CACNA1B: variants seen among roughly 807,000 people sequenced by gnomAD.
CACNA1B encodes the protein calcium voltage-gated channel subunit alpha1 B.
CACNA1B carries 70 observed loss-of-function variants against 247.2 expected under a neutral mutation model. That is an observed-to-expected ratio of 0.28 (90% confidence interval 0.23 to 0.35). The LOEUF is 0.35. Among genes scored for constraint, CACNA1B ranks in the 10% least tolerant of loss-of-function variants. The probability of loss-of-function intolerance (pLI) is 1.00; values close to 1 mark genes in which losing one functional copy is unlikely to be tolerated. For missense variants in CACNA1B, 2,367 were observed against 3,197.4 expected, an observed-to-expected ratio of 0.74 and a Z score of 6.26; for synonymous variants, 1,231 against 1,294.4, an observed-to-expected ratio of 0.95 and a Z score of 1.05.
In CACNA1B at chr9:137,891,049, C is replaced by T. The variant is rs1397642949; in HGVS notation, c.530+8166C>T. On this transcript the variant is annotated intron_variant, in intron 3 of 46. Transcript: ENST00000371372. This position sits in a 1 kb window ranked among gnomAD's most constrained non-coding sequence, Gnocchi z 4.3. ...ACACAGCTGTGTGGTGTCGGGGGCACACGCCCACTCCTGGGACCATGGCTG... is the reference window on the plus strand; with the variant it reads ...ACACAGCTGTGTGGTGTCGGGGGCATACGCCCACTCCTGGGACCATGGCTG... 1 of 152,160 alleles carries T rather than the reference C, an allele frequency of 6.6e-6. No individual in the cohort carries two copies. Among genetic ancestry groups the T allele is most frequent in the African/African-American group, 2.4e-5 (1 of 41,428 alleles). The allele number at this position is 152,160 out of a possible 1,614,324, so 9.4% of individuals were successfully genotyped here. A position where few individuals can be genotyped will look rare whatever the true frequency, so the allele number is the denominator to read the frequency against.
In CACNA1B at chr9:138,058,451, AT is replaced by A; in HGVS notation, c.4309-115del. 1 of 1,032,630 alleles carries A rather than the reference AT, an allele frequency of 9.7e-7. No individual in the cohort carries two copies. The highest frequency in any genetic ancestry group is 1.4e-6 in the Non-Finnish European group (1 of 706,094). The allele number at this position is 1,032,630 out of a possible 1,614,324, so 64.0% of individuals were successfully genotyped here. A position where few individuals can be genotyped will look rare whatever the true frequency, so the allele number is the denominator to read the frequency against. ...CTTGGAGAAGGTCTGGGCTGCTTCA[AT>A]TTGTCTTCTGTTGTCAGGGCTCCCT... On this transcript the variant is annotated intron_variant, in intron 28 of 46. Coordinates refer to ENST00000371372, the MANE Select transcript of CACNA1B (RefSeq NM_000718.4). This position sits in a 1 kb window ranked among gnomAD's most constrained non-coding sequence, Gnocchi z 4.7.
At chr9:137,941,355 A>G (rs1957730559) in intron 6 of CACNA1B, among the ~76,000 whole-genome samples, 1 of 152,154 alleles carries the variant, frequency 6.6e-6, no homozygotes, top group Non-Finnish European at 1.5e-5. Context: ...AAGCCAAAAA[A>G]CTTAGGAATA....
chr9:138,051,742 G>C lies in CACNA1B; in HGVS notation c.3711-350G>C, dbSNP rs1959289212. Among the ~76,000 whole-genome samples the C allele has an allele frequency of 6.6e-6, 1 of 152,096 alleles. No homozygotes were observed. The highest frequency in any genetic ancestry group is 1.5e-5 in the Non-Finnish European group (1 of 68,016). Reference sequence around the variant, plus strand: ...TCTCGCCCTAGAAACGTGCTTGTGGGCTCCCACTTCTGGGTCTGCAGTCCT... The same window carrying C: ...TCTCGCCCTAGAAACGTGCTTGTGGCCTCCCACTTCTGGGTCTGCAGTCCT... On this transcript the variant is annotated intron_variant, in intron 24 of 46. Coordinates refer to ENST00000371372, the MANE Select transcript of CACNA1B (RefSeq NM_000718.4). This position sits in a 1 kb window ranked among gnomAD's most constrained non-coding sequence, Gnocchi z 4.3.
At chr9:137,909,877 T>A (rs887308951) in intron 3 of CACNA1B, among the ~76,000 whole-genome samples, 13 of 152,170 alleles carry the variant, frequency 8.5e-5, no homozygotes, top group African/African-American at 2.9e-4. Flanking sequence ...TTCAAGTGAT[T>A]CTTGTGCCTC....
rs1461178661 is a variant in CACNA1B at position 138,121,940 on chromosome 9, A to G, written c.6961A>G (p.Ser2321Gly). ...PNGYHCTLGL[S>G]SGGRARHSYH... is the part of the protein sequence containing the mutation. ...CGGTTACCACTGCACCCTGGGACTCAGCTCGGGTGGCCGAGCACGGCACAG... is the reference window on the plus strand; with the variant it reads ...CGGTTACCACTGCACCCTGGGACTCGGCTCGGGTGGCCGAGCACGGCACAG... Residue 2321 changes from serine (S) to glycine (G), a missense_variant, in exon 47 of 47, where the codon AGC (serine) becomes GGC (glycine). By Grantham distance (56) the Ser-to-Gly change is moderately conservative. Transcript: ENST00000371372. The surrounding 1 kb of genome is among the most constrained non-coding windows in gnomAD (Gnocchi z 6.8). 17 of 1,607,478 alleles carry G rather than the reference A, an allele frequency of 1.1e-5. No homozygotes were observed. The highest frequency in any genetic ancestry group is 1.4e-5 in the Non-Finnish European group (17 of 1,179,830).
chr9:138,076,544 T>C (rs1960326536), intron 35 of CACNA1B, among the ~76,000 whole-genome samples: 1 of 152,184 alleles, frequency 6.6e-6, no homozygotes, highest in African/African-American at 2.4e-5. Flanking sequence ...TGGCACAAGC[T>C]TCGGGGCCTT....
intron 15 of CACNA1B, among the ~76,000 whole-genome samples, chr9:138,003,011 C>A (rs1958598734): frequency 6.6e-6 from 1 of 151,676 alleles, no homozygotes; most frequent in Non-Finnish European, 1.5e-5. Flanking sequence ...GTTGGCCAGG[C>A]TGGTCTTGAA....
At position 137,929,820 on chromosome 9, in the gene CACNA1B, A is replaced by T. The variant is rs113134446; in HGVS notation, c.966+12389A>T. On this transcript the variant is annotated intron_variant, in intron 6 of 46. Coordinates refer to ENST00000371372, the MANE Select transcript of CACNA1B (RefSeq NM_000718.4). ...AGGTGCACACTGCCAAGCCTGGCTA[A>T]TTTTTAAATTTTTTGTAGAGATGAG... 5.0e-3 allele frequency among the ~76,000 whole-genome samples: 756 copies of T among 151,868 alleles called. 10 individuals carry two copies. Among genetic ancestry groups the T allele is most frequent in the African/African-American group, 0.017 (712 of 41,434 alleles).
rs368928929 is a variant in CACNA1B at position 138,088,751 on chromosome 9, G to A, written c.5095-7733G>A. 6.6e-5 allele frequency among the ~76,000 whole-genome samples: 10 copies of A among 151,122 alleles called. No homozygotes were observed. The East Asian group carries it at 1.8e-3, about 27-fold the overall frequency. ...AGGCAGATCATGAGGTCAGGAGATC[G>A]AGACCATCCTGGCCAACATAGTGAA... On this transcript the variant is annotated intron_variant, in intron 36 of 46. Coordinates refer to ENST00000371372, the MANE Select transcript of CACNA1B (RefSeq NM_000718.4).
chr9:138,087,530 C>T lies in CACNA1B; in HGVS notation c.5095-8954C>T, dbSNP rs559626806. On this transcript the variant is annotated intron_variant, in intron 36 of 46. Coordinates refer to ENST00000371372, the MANE Select transcript of CACNA1B (RefSeq NM_000718.4). ...AAGAGATCGACACCATCCTGGCCAA[C>T]ATGGTGAAACCCCGTCTCTACTAAA... 6.3e-5 allele frequency among the ~76,000 whole-genome samples: 9 copies of T among 143,388 alleles called. No homozygotes were observed. In the East Asian group the frequency reaches 2.2e-3, roughly 35 times the overall value. 94.1% of individuals were successfully genotyped at this position (143,388 alleles called of 152,430 possible).
intron 15 of CACNA1B, among the ~76,000 whole-genome samples, chr9:138,005,455 G>A (rs1958635146): frequency 6.6e-6 from 1 of 152,162 alleles, no homozygotes; most frequent in Admixed American, 6.5e-5. Context: ...CCAGAAGGTG[G>A]GAAGGCTGTA....
intron 10 of CACNA1B, among the ~76,000 whole-genome samples, chr9:137,967,101 T>G (rs1395589818): frequency 6.6e-6 from 1 of 152,186 alleles, no homozygotes; most frequent in African/African-American, 2.4e-5. Flanking sequence ...ATCGAGTTGC[T>G]GTTTATTGCT....
intron 32 of CACNA1B, among the ~76,000 whole-genome samples, chr9:138,071,206 C>T (rs1326119665): frequency 1.3e-5 from 2 of 152,360 alleles, no homozygotes. Context: ...GGTTAGGGAC[C>T]GTTGTCCCAT....
chr9:138,095,322 A>C (rs1386929752), intron 36 of CACNA1B, among the ~76,000 whole-genome samples: 1 of 152,262 alleles, frequency 6.6e-6, no homozygotes, highest in African/African-American at 2.4e-5. Context: ...TTCTCTAAAA[A>C]AGATATGCAA....
chr9:138,070,802 C>T (rs777066428), intron 32 of CACNA1B, among the ~76,000 whole-genome samples: 2 of 152,256 alleles, frequency 1.3e-5, no homozygotes, highest in African/African-American at 2.4e-5. Context: ...CACACATCCA[C>T]ACCTGACATG....
chr9:138,114,860 A>G (rs976057966), intron 41 of CACNA1B, among the ~76,000 whole-genome samples: 26 of 152,094 alleles, frequency 1.7e-4, no homozygotes, highest in Non-Finnish European at 4.4e-5. Context: ...TCACACAGAG[A>G]GCAAAGAAAT....
rs1959288549 is a variant in CACNA1B at position 138,051,734 on chromosome 9, G to A, written c.3711-358G>A. ...CAGAAGATTCTCGCCCTAGAAACGT[G>A]CTTGTGGGCTCCCACTTCTGGGTCT... On this transcript the variant is annotated intron_variant, in intron 24 of 46. Transcript: ENST00000371372. The surrounding 1 kb of genome is among the most constrained non-coding windows in gnomAD (Gnocchi z 4.3). Among the ~76,000 whole-genome samples the A allele has an allele frequency of 6.6e-6, 1 of 152,120 alleles. No individual in the cohort carries two copies. The highest frequency in any genetic ancestry group is 2.4e-5 in the African/African-American group (1 of 41,438).
In CACNA1B at chr9:138,122,451, AG is replaced by A. The variant is rs894908730; in HGVS notation, c.*457del. ...AGACCTCGGGACGGAGGGGATGGGG[AG>A]GGGGACACAGTCGTGGCTTGTGCAG... On this transcript the variant is annotated 3_prime_UTR_variant, in exon 47 of 47. Transcript: ENST00000371372. The A allele has an allele frequency of 4.1e-5, 7 of 172,674 alleles. No individual in the cohort carries two copies. Among genetic ancestry groups the A allele is most frequent in the African/African-American group, 1.7e-4 (7 of 42,084 alleles). 10.7% of individuals were successfully genotyped at this position (172,674 alleles called of 1,614,324 possible).
rs1174814672 is a variant in CACNA1B at position 138,051,465 on chromosome 9, CTCCCTCCCTCCT to C, written c.3711-616_3711-605del. Among the ~76,000 whole-genome samples, 2 of 149,654 alleles carry C rather than the reference CTCCCTCCCTCCT, an allele frequency of 1.3e-5. No homozygotes were observed. The highest frequency in any genetic ancestry group is 4.9e-5 in the African/African-American group (2 of 40,736). The stretch of plus-strand genomic sequence containing the variant: ...TGTCTCTATGGCTCTCCCTCCCTCC[CTCCCTCCCTCCT>C]TCCCTCCCTCTCCCCTTGTTTGTCT... On this transcript the variant is annotated intron_variant, in intron 24 of 46. Coordinates refer to ENST00000371372, the MANE Select transcript of CACNA1B (RefSeq NM_000718.4). The surrounding 1 kb of genome is among the most constrained non-coding windows in gnomAD (Gnocchi z 4.3).
Sources: allele counts gnomAD v4.1 joint callset (sites outside exome capture counted in the v4.1 genomes callset), GRCh38; gene constraint gnomAD v4.1.1; non-coding constraint Gnocchi (gnomAD v3.1); transcripts MANE v1.5; gene names NCBI Gene and HGNC (gene_info 2026-07-23, HGNC 2026-07-21).